The following GHRL variants were observed in gnomAD, a reference collection of about 807,000 sequenced individuals.
The protein encoded by GHRL is appetite-regulating hormone.
A neutral mutation model predicts 16.9 loss-of-function variants in GHRL; 24 were observed. The ratio of observed to expected loss-of-function variants is 1.42; its 90% CI spans 1.03 to 2.00. The LOEUF (loss-of-function observed/expected upper bound fraction) is 2.00, where lower values mean the gene tolerates loss of function less well. Among genes scored for constraint, GHRL ranks in the 30% most tolerant of loss-of-function variants. GHRL has a pLI of 0.00. For synonymous variants in GHRL, 63 were observed against 58.2 expected, an observed-to-expected ratio of 1.08 and a Z score of -0.37; for missense variants, 193 against 142.1, an observed-to-expected ratio of 1.36 and a Z score of -1.82.
intron 5 of GHRL, among the ~76,000 whole-genome samples, chr3:10,286,291 G>A (rs1253912176): frequency 6.6e-6 from 1 of 152,200 alleles, no homozygotes; most frequent in African/African-American, 2.4e-5. Flanking sequence ...AATATTTGAA[G>A]GAACTGCTTA....
At chr3:10,285,964 G>C (rs1332821655) in intron 5 of GHRL, 70 bp from the exon 6 acceptor site, 1 of 1,370,264 alleles carries the variant, frequency 7.3e-7, no homozygotes, top group East Asian at 2.3e-5. Flanking sequence ...CCACGGTGGT[G>C]AGATTGGAGG....
chr3:10,289,742 A>G lies in GHRL; in HGVS notation c.225+20T>C, dbSNP rs1236987210. 6.8e-6 allele frequency: 10 copies of G among 1,460,790 alleles called. No homozygotes were observed. The Admixed American group carries it at 1.3e-4, about 20-fold the overall frequency. 90.5% of individuals were successfully genotyped at this position (1,460,790 alleles called of 1,614,324 possible). A position where few individuals can be genotyped will look rare whatever the true frequency, so the allele number is the denominator to read the frequency against. ...ACCCTCCTCGCTGCCACAGAAGCAT[A>G]AAACTGCAGAGGTACCGACCCGGAC... On this transcript the variant is annotated intron_variant, in intron 4 of 5. Coordinates refer to ENST00000335542, the MANE Select transcript of GHRL (RefSeq NM_016362.5).
At chr3:10,288,436 A>T (rs1160597103) in intron 4 of GHRL, among the ~76,000 whole-genome samples, 2 of 152,212 alleles carry the variant, frequency 1.3e-5, no homozygotes, top group African/African-American at 4.8e-5. Flanking sequence ...CAGAAACTGC[A>T]AAGTTCCCGC....
At chr3:10,288,137 G>C (rs1031664965) in intron 4 of GHRL, 1 of 152,514 alleles carries the variant, frequency 6.6e-6, no homozygotes, top group Admixed American at 6.5e-5. Context: ...GGCTGGTGGG[G>C]GGCAGCTTCC....
intron 5 of GHRL, among the ~76,000 whole-genome samples, chr3:10,286,395 ATAAT>A (rs1699071057): frequency 1.3e-5 from 2 of 152,330 alleles, no homozygotes; most frequent in Admixed American, 1.3e-4. Flanking sequence ...GTAACACCAA[ATAAT>A]TGTAGACTCT....
chr3:10,291,803 T>C (rs1162528554), intron 1 of GHRL, among the ~76,000 whole-genome samples: 1 of 152,092 alleles, frequency 6.6e-6, no homozygotes. Context: ...CACCTTAGGC[T>C]GGGGCTTGCG....
At chr3:10,289,032 CA>C (rs1280201817) in intron 4 of GHRL, among the ~76,000 whole-genome samples, 2 of 152,168 alleles carry the variant, frequency 1.3e-5, no homozygotes, top group Non-Finnish European at 2.9e-5. Flanking sequence ...TATCCTCGGG[CA>C]CAGCGTCTAA....
In GHRL at chr3:10,290,916, G is replaced by C. The variant is rs769150730; in HGVS notation, c.-230C>G. ...GGTCAGATGCCCTGCGGAATTGCTG[G>C]GTTGGCGAGGGAAGAAGCATGTGCT... On this transcript the variant is annotated 5_prime_UTR_variant, in exon 2 of 6. Coordinates refer to ENST00000335542, the MANE Select transcript of GHRL (RefSeq NM_016362.5). 1.0e-6 allele frequency: 1 copy of C among 985,514 alleles called. No homozygotes were observed. Among genetic ancestry groups the C allele is most frequent in the Non-Finnish European group, 1.2e-6 (1 of 830,026 alleles). 61.0% of individuals were successfully genotyped at this position (985,514 alleles called of 1,614,324 possible). A position where few individuals can be genotyped will look rare whatever the true frequency, so the allele number is the denominator to read the frequency against.
chr3:10,292,425 G>A (rs1700131726), intron 1 of GHRL: 1 of 183,070 alleles, frequency 5.5e-6, no homozygotes, highest in Non-Finnish European at 1.1e-5. Context: ...CACCTACCCT[G>A]ACTTAAAAGA....
intron 4 of GHRL, among the ~76,000 whole-genome samples, chr3:10,289,555 C>G (rs558007568): frequency 6.6e-6 from 1 of 152,292 alleles, no homozygotes; most frequent in East Asian, 1.9e-4. Flanking sequence ...TCTGTTGTAG[C>G]AAAGTTACTT....
At chr3:10,289,945 G>T in intron 3 of GHRL, 67 bp from the exon 4 acceptor site, 1 of 1,481,636 alleles carries the variant, frequency 6.7e-7, no homozygotes, top group Non-Finnish European at 9.4e-7. Context: ...AGTGAGGTCA[G>T]ACCCAGAGTC....
intron 4 of GHRL, among the ~76,000 whole-genome samples, chr3:10,289,100 G>A (rs982473836): frequency 4.6e-5 from 7 of 152,208 alleles, no homozygotes; most frequent in Non-Finnish European, 2.9e-5. Flanking sequence ...GCGAAATGGT[G>A]TCACCAACCA....
Position 10,290,107 on chromosome 3 carries a change from G to T in GHRL, c.74C>A (p.Ser25Tyr). 6.2e-7 allele frequency: 1 copy of T among 1,613,158 alleles called. No individual in the cohort carries two copies. The highest frequency in any genetic ancestry group is 8.5e-7 in the Non-Finnish European group (1 of 1,179,828). Residue 25 changes from serine (S) to tyrosine (Y), a missense_variant, in exon 3 of 6, where the codon TCC becomes TAC. Coordinates refer to ENST00000335542, the MANE Select transcript of GHRL (RefSeq NM_016362.5). ...MLWLDLAMAG[S>Y]SFLSPEHQRV... ...CTGGTGTTCAGGGCTCAGGAAGCTG[G>T]AGCCTGCCATGGCCAAGTCCAGCCA...
chr3:10,291,916 G>A (rs904483130), intron 1 of GHRL, among the ~76,000 whole-genome samples: 4 of 152,076 alleles, frequency 2.6e-5, no homozygotes, highest in Non-Finnish European at 5.9e-5. Context: ...GTGAAGGCGT[G>A]GGTAGAGTAC....
intron 2 of GHRL, 145 bp from the exon 3 acceptor site, chr3:10,290,354 C>T: frequency 1.4e-6 from 1 of 713,290 alleles, no homozygotes. Flanking sequence ...GCTTCCACCT[C>T]CCAAGGTAGA....
At position 10,290,145 on chromosome 3, in the gene GHRL, G is replaced by A. The variant is rs1699753281; in HGVS notation, c.36C>T (p.Leu12=). ...CCAAGTCCAGCCAGAGCATGCCGAG[G>A]AGCAGGAGGCTGCAGACGGTCCCTG... is the stretch of plus-strand genomic sequence containing the variant. ...PSPGTVCSLL[L]LGMLWLDLAM... The change falls in exon 3 of 6, where the codon CTC becomes CTT. Residue 12 remains leucine (L), a synonymous_variant. Transcript: ENST00000335542. The A allele has an allele frequency of 6.2e-7, 1 of 1,613,248 alleles. No homozygotes were observed. Among genetic ancestry groups the A allele is most frequent in the African/African-American group, 1.3e-5 (1 of 75,058 alleles).
Position 10,286,667 on chromosome 3 carries a change from A to G in GHRL, c.334+37T>C, listed in dbSNP as rs770720356. The G allele has an allele frequency of 2.6e-6, 3 of 1,142,056 alleles. No homozygotes were observed. The African/African-American group carries it at 4.5e-5, about 17-fold the overall frequency. 70.7% of individuals were successfully genotyped at this position (1,142,056 alleles called of 1,614,324 possible). On this transcript the variant is annotated intron_variant, in intron 5 of 5. Transcript: ENST00000335542. Reference sequence around the variant, plus strand: ...AGAGTGAACTCCCATGTGGGGCTGCAAGGAAACCGAGCAAACCCAGTCCAG... The same window carrying G: ...AGAGTGAACTCCCATGTGGGGCTGCGAGGAAACCGAGCAAACCCAGTCCAG...
intron 4 of GHRL, among the ~76,000 whole-genome samples, chr3:10,289,225 C>T (rs1001533674): frequency 1.3e-5 from 2 of 152,200 alleles, no homozygotes; most frequent in African/African-American, 4.8e-5. Flanking sequence ...TAACTTTCTC[C>T]TTGCCCCACG....
At chr3:10,290,330 TAG>T (rs1699801662) in intron 2 of GHRL, 121 bp from the exon 3 acceptor site, 1 of 909,676 alleles carries the variant, frequency 1.1e-6, no homozygotes. Flanking sequence ...GACTGCTGTG[TAG>T]AGAGGACCCC....
Sources: allele counts gnomAD v4.1 joint callset (sites outside exome capture counted in the v4.1 genomes callset), GRCh38; gene constraint gnomAD v4.1.1; transcripts MANE v1.5; gene names NCBI Gene and HGNC (gene_info 2026-07-23, HGNC 2026-07-21).